Variants in SEPTIN8 observed in about 807,000 individuals in gnomAD.
SEPTIN8 encodes the protein septin 8, also known as septin-8.
SEPTIN8 carries 22 observed loss-of-function variants against 53.1 expected under a neutral mutation model. That is an observed-to-expected ratio of 0.41 (90% CI 0.30 to 0.59). The LOEUF (loss-of-function observed/expected upper bound fraction) is 0.59, where lower values mean the gene tolerates loss of function less well. SEPTIN8 is among the 20% of genes least tolerant of loss of function. The probability of loss-of-function intolerance (pLI) is 0.24; values close to 1 mark genes in which losing one functional copy is unlikely to be tolerated. For missense variants in SEPTIN8, 536 were observed against 638.7 expected (o/e 0.84, Z 1.73); for synonymous variants, 228 against 248.4 (o/e 0.92, Z 0.77).
chr5:132,765,333 A>G, intron 2 of SEPTIN8, 76 bp downstream of exon 2: 1 of 1,560,816 alleles, frequency 6.4e-7, no homozygotes, highest in Non-Finnish European at 8.7e-7. Flanking sequence ...TTGCAGCTCA[A>G]CAGGGGGCCA....
intron 9 of SEPTIN8, chr5:132,758,489 G>A (rs1005592048): frequency 1.2e-5 from 19 of 1,611,802 alleles, no homozygotes; most frequent in Non-Finnish European, 1.4e-5. Flanking sequence ...TGGGGCCTTC[G>A]CTAGAGCGGC....
At chr5:132,759,389 C>T (rs1386519038) in intron 9 of SEPTIN8, among the ~76,000 whole-genome samples, 3 of 152,200 alleles carry the variant, frequency 2.0e-5, no homozygotes, top group South Asian at 2.1e-4. Context: ...GCCCCCACCC[C>T]GAGGGCTGTG....
At chr5:132,758,572 C>G in intron 9 of SEPTIN8, 1 of 1,611,940 alleles carries the variant, frequency 6.2e-7, no homozygotes, top group Non-Finnish European at 8.5e-7. Context: ...AAAAATAAAC[C>G]TCGTCAGTTT....
chr5:132,778,066 T>C (rs1012033469), upstream of SEPTIN8: 14 of 985,440 alleles, frequency 1.4e-5, no homozygotes, highest in African/African-American at 2.1e-4. Flanking sequence ...CTCAAAACGT[T>C]CAGAAAATTA....
Position 132,762,508 on chromosome 5 carries a change from A to C in SEPTIN8, c.672T>G (p.Val224=). The part of the protein sequence containing the change: ...IYQFPTDDEA[V]AEINAVMNAH... ...CATTCATGACTGCGTTAATCTCTGC[A>C]ACAGCCTCATCATCCGTGGGGAACT... Residue 224 remains valine, a synonymous_variant, in exon 5 of 10, where the codon GTT becomes GTG. Transcript: ENST00000378719. The C allele has an allele frequency of 6.2e-7, 1 of 1,614,240 alleles. No homozygotes were observed. The highest frequency in any genetic ancestry group is 8.5e-7 in the Non-Finnish European group (1 of 1,180,030).
chr5:132,753,280 CA>C (rs1347433463), intron 9 of SEPTIN8: 1 of 329,308 alleles, frequency 3.0e-6, no homozygotes. Context: ...CTTCCTTCTC[CA>C]GCAAGGGTTG....
intron 1 of SEPTIN8, chr5:132,775,704 G>A (rs1342427013): frequency 6.6e-6 from 1 of 152,224 alleles, no homozygotes; most frequent in Admixed American, 6.5e-5. Context: ...AATGCACACA[G>A]ACACACATGC....
chr5:132,766,258 C>T (rs1756584335), intron 1 of SEPTIN8, among the ~76,000 whole-genome samples: 1 of 152,214 alleles, frequency 6.6e-6, no homozygotes, highest in African/African-American at 2.4e-5. Flanking sequence ...AGACCCCCAG[C>T]TCCTGGCTCC....
chr5:132,766,327 G>T (rs566513805), intron 1 of SEPTIN8, among the ~76,000 whole-genome samples: 1 of 152,122 alleles, frequency 6.6e-6, no homozygotes, highest in Non-Finnish European at 1.5e-5. Flanking sequence ...AGAAGGTTCC[G>T]GGTAAGAATG....
chr5:132,777,274 T>G (rs926123966), upstream of SEPTIN8: 94 of 1,108,206 alleles, frequency 8.5e-5, no homozygotes, highest in Admixed American at 4.1e-4. This position sits in a 1 kb window ranked among gnomAD's most constrained non-coding sequence, Gnocchi z 4.1. Context: ...AAACTCCCCT[T>G]GGCGGCGGCG....
In SEPTIN8 at chr5:132,756,584, T is replaced by G. The variant is rs1005320435; in HGVS notation, c.1286+4218A>C. 6 of 985,360 alleles carry G rather than the reference T, an allele frequency of 6.1e-6. No individual in the cohort carries two copies. The African/African-American group carries it at 1.0e-4, about 17-fold the overall frequency. 61.0% of individuals were successfully genotyped at this position (985,360 alleles called of 1,614,324 possible). On this transcript the variant is annotated intron_variant, in intron 9 of 9. Coordinates refer to ENST00000378719, the MANE Select transcript of SEPTIN8 (RefSeq NM_001098811.2). ...AGTGGCAAGTTTTAAGCTCACTTTA[T>G]GCACCAAGGTTTAATTTGGTCTCAG...
chr5:132,770,597 C>T (rs1757228802), intron 1 of SEPTIN8, among the ~76,000 whole-genome samples: 1 of 152,232 alleles, frequency 6.6e-6, no homozygotes. Context: ...GGGCCAAAGG[C>T]CTGCTGGTCT....
rs558875941 is a variant in SEPTIN8 at position 132,774,545 on chromosome 5, A to T, written c.30+2563T>A. Among the ~76,000 whole-genome samples the T allele has an allele frequency of 6.6e-5, 10 of 152,212 alleles. No individual in the cohort carries two copies. The East Asian group carries it at 1.9e-3, about 29-fold the overall frequency. On this transcript the variant is annotated intron_variant, in intron 1 of 9. Transcript: ENST00000378719. The stretch of plus-strand genomic sequence containing the variant: ...ACACACCCACACACAGGGGATGCCA[A>T]CCCTTACCCCAATACTGATCTAGGG...
Position 132,777,128 on chromosome 5 carries a change from T to C in SEPTIN8, c.10A>G (p.Thr4Ala). ...CTCACCGAGAAGCGCTCCAGGTCGG[T>C]GGCCGCCATGGCGAGCTCCGCACCG... Reference protein sequence around the residue: MAATDLERFSNAEP... With the variant: MAAADLERFSNAEP... The change falls in exon 1 of 10, where the codon ACC becomes GCC. Residue 4 changes from threonine to alanine, a missense_variant. Coordinates refer to ENST00000378719, the MANE Select transcript of SEPTIN8 (RefSeq NM_001098811.2). The surrounding 1 kb of genome is among the most constrained non-coding windows in gnomAD (Gnocchi z 4.1). The C allele has an allele frequency of 2.2e-6, 2 of 917,472 alleles. No individual in the cohort carries two copies. The highest frequency in any genetic ancestry group is 2.6e-6 in the Non-Finnish European group (2 of 759,960). The allele number at this position is 917,472 out of a possible 1,614,324, so 56.8% of individuals were successfully genotyped here. A position where few individuals can be genotyped will look rare whatever the true frequency, so the allele number is the denominator to read the frequency against.
At chr5:132,777,603 G>A, upstream of SEPTIN8, 13 of 982,608 alleles carry the variant, frequency 1.3e-5, no homozygotes, top group Non-Finnish European at 1.6e-5. This position sits in a 1 kb window ranked among gnomAD's most constrained non-coding sequence, Gnocchi z 4.1. Flanking sequence ...GGGGCACGGC[G>A]TGCGCCCTAG....
In SEPTIN8 at chr5:132,763,769, G is replaced by A. The variant is rs1170111968; in HGVS notation, c.471C>T (p.Ile157=). ...DTRIHVCLYF[I]TPTGHSLKSL... ...ACTTCAGGGAGTGCCCTGTGGGCGT[G>A]ATGAAGTAGAGGCAAACGTGGATCC... The change falls in exon 4 of 10, where the codon ATC becomes ATT. Residue 157 remains isoleucine, a synonymous_variant. Coordinates refer to ENST00000378719, the MANE Select transcript of SEPTIN8 (RefSeq NM_001098811.2). The A allele has an allele frequency of 2.5e-6, 4 of 1,614,188 alleles. No homozygotes were observed. Among genetic ancestry groups the A allele is most frequent in the Admixed American group, 3.3e-5 (2 of 60,020 alleles).
intron 1 of SEPTIN8, among the ~76,000 whole-genome samples, chr5:132,770,069 A>ATG (rs1757104472): frequency 4.6e-5 from 3 of 64,846 alleles, no homozygotes; most frequent in East Asian, 3.0e-3. Flanking sequence ...GTGTGTATAT[A>ATG]TATATATATA....
At chr5:132,765,206 C>G (rs1319448899) in intron 2 of SEPTIN8, among the ~76,000 whole-genome samples, 1 of 152,144 alleles carries the variant, frequency 6.6e-6, no homozygotes, top group Admixed American at 6.5e-5. Context: ...CCAGTTTACT[C>G]TTCATGACAA....
chr5:132,758,338 A>T, intron 9 of SEPTIN8: 1 of 1,394,760 alleles, frequency 7.2e-7, no homozygotes, highest in Non-Finnish European at 9.3e-7. Flanking sequence ...AAAGTTATTA[A>T]AATTAAGCTG....
Sources: gnomAD v4.1 joint callset for allele counts (sites outside exome capture counted in the v4.1 genomes callset) on GRCh38, gnomAD v4.1.1 for gene constraint, Gnocchi (gnomAD v3.1) non-coding constraint, MANE v1.5 for transcripts, NCBI Gene and HGNC (gene_info 2026-07-23, HGNC 2026-07-21) for gene names.